Variants in PARM1 observed in about 807,000 individuals in gnomAD.
The protein encoded by PARM1 is WSC4, cell wall integrity and stress response component 4 homolog.
In PARM1, 14 loss-of-function variants were observed where a neutral mutation model predicts 24.6. That is an observed-to-expected ratio of 0.57 (90% CI 0.38 to 0.89). The LOEUF (loss-of-function observed/expected upper bound fraction) is 0.89, where lower values mean the gene tolerates loss of function less well. Among genes scored for constraint, PARM1 ranks in the 40% least tolerant of loss-of-function variants. PARM1 has a pLI of 0.00. For synonymous variants in PARM1, 179 were observed against 156.6 expected, an observed-to-expected ratio of 1.14 and a Z score of -1.07; for missense variants, 362 against 380.4, an observed-to-expected ratio of 0.95 and a Z score of 0.40.
At chr4:75,007,358 T>C (rs1422834962) in intron 1 of PARM1, among the ~76,000 whole-genome samples, 3 of 152,308 alleles carry the variant, frequency 2.0e-5, no homozygotes, top group South Asian at 2.1e-4. Context: ...TAGTGGTTGC[T>C]AAAGTAAGTT....
chr4:74,969,212 A>T lies in PARM1; in HGVS notation c.43+35842A>T, dbSNP rs574029985. 2.0e-5 allele frequency among the ~76,000 whole-genome samples: 3 copies of T among 152,222 alleles called. No homozygotes were observed. In the South Asian group the frequency reaches 6.2e-4, roughly 32 times the overall value. On this transcript the variant is annotated intron_variant, in intron 1 of 3. Transcript: ENST00000307428. ...CTCACTTACAGAAGTACCCAGAGAG[A>T]GCCAAGCTCATGGGTCCCTTGTCGT...
chr4:74,939,268 G>A (rs2109979628), intron 1 of PARM1, among the ~76,000 whole-genome samples: 1 of 152,222 alleles, frequency 6.6e-6, no homozygotes, highest in South Asian at 2.1e-4. Context: ...AAAACATGGA[G>A]ATTTAAGAGC....
intron 2 of PARM1, among the ~76,000 whole-genome samples, chr4:75,015,628 G>A (rs1560793000): frequency 6.6e-6 from 1 of 152,216 alleles, no homozygotes; most frequent in Non-Finnish European, 1.5e-5. Context: ...CTTAATATCA[G>A]TACTTAGTTT....
chr4:74,969,252 G>A (rs1405139766), intron 1 of PARM1, among the ~76,000 whole-genome samples: 1 of 152,194 alleles, frequency 6.6e-6, no homozygotes, highest in Admixed American at 6.5e-5. Context: ...TTGAGGGGGC[G>A]GCTGTCTAAG....
At chr4:75,016,109 T>C (rs1321327238) in intron 2 of PARM1, among the ~76,000 whole-genome samples, 1 of 152,188 alleles carries the variant, frequency 6.6e-6, no homozygotes, top group Non-Finnish European at 1.5e-5. Flanking sequence ...TTATGGGAGT[T>C]AAATTTGACT....
At chr4:74,981,129 A>T (rs1422915952) in intron 1 of PARM1, among the ~76,000 whole-genome samples, 1 of 152,210 alleles carries the variant, frequency 6.6e-6, no homozygotes, top group African/African-American at 2.4e-5. Flanking sequence ...AATTAAACTA[A>T]AGAGCTTCTG....
chr4:75,010,267 T>A (rs1722846534), intron 1 of PARM1, among the ~76,000 whole-genome samples: 2 of 152,224 alleles, frequency 1.3e-5, no homozygotes, highest in African/African-American at 4.8e-5. Context: ...AGGACAAATA[T>A]TGTATGATTC....
In PARM1 at chr4:74,985,875, T is replaced by C. The variant is rs367593049; in HGVS notation, c.44-26550T>C. Among the ~76,000 whole-genome samples, 508 of 152,280 alleles carry C rather than the reference T, an allele frequency of 3.3e-3. 6 individuals carry two copies. The highest frequency in any genetic ancestry group is 0.011 in the African/African-American group (473 of 41,556). ...CCTCCACCTCCCAGGTTCAAGTGAT[T>C]CTCCAGCCTCAGCCTCCTGAGTAGC... On this transcript the variant is annotated intron_variant, in intron 1 of 3. Transcript: ENST00000307428.
At chr4:75,032,034 G>C (rs1723285525) in intron 2 of PARM1, among the ~76,000 whole-genome samples, 1 of 152,188 alleles carries the variant, frequency 6.6e-6, no homozygotes, top group Admixed American at 6.5e-5. Flanking sequence ...GACTTTCTCT[G>C]CTTGACCCAG....
At chr4:74,999,567 T>C (rs1192866390) in intron 1 of PARM1, among the ~76,000 whole-genome samples, 1 of 152,216 alleles carries the variant, frequency 6.6e-6, no homozygotes, top group Non-Finnish European at 1.5e-5. Context: ...CCAGTATGCC[T>C]TCCTCCATAT....
Position 75,047,831 on chromosome 4 carries a change from T to C in PARM1, c.*1584T>C, listed in dbSNP as rs1361995457. ...AGTGTTTAGTTTATTGGCTGATGGG[T>C]TGTTCTTGGTATGCATGGTGACCTT... On this transcript the variant is annotated 3_prime_UTR_variant, in exon 4 of 4. Coordinates refer to ENST00000307428, the MANE Select transcript of PARM1 (RefSeq NM_015393.4). 6.6e-6 allele frequency: 1 copy of C among 152,200 alleles called. No homozygotes were observed. Among genetic ancestry groups the C allele is most frequent in the Non-Finnish European group, 1.5e-5 (1 of 68,048 alleles). 9.4% of individuals were successfully genotyped at this position (152,200 alleles called of 1,614,324 possible).
intron 1 of PARM1, chr4:74,969,471 G>A (rs1262495754): frequency 6.6e-6 from 1 of 152,214 alleles, no homozygotes; most frequent in Non-Finnish European, 1.5e-5. Context: ...TAGGACATGT[G>A]TCTTGCCTTC....
At chr4:75,006,077 C>A (rs1016752792) in intron 1 of PARM1, among the ~76,000 whole-genome samples, 36 of 152,164 alleles carry the variant, frequency 2.4e-4, no homozygotes, top group African/African-American at 8.4e-4. Context: ...AATACTAATA[C>A]TAATTATTTT....
chr4:74,934,005 A>G lies in PARM1; in HGVS notation c.43+635A>G, dbSNP rs1721123986. 3.9e-5 allele frequency among the ~76,000 whole-genome samples: 6 copies of G among 152,080 alleles called. No individual in the cohort carries two copies. In the South Asian group the frequency reaches 1.2e-3, roughly 31 times the overall value. ...CTGCCCCAGAACTCCCCAAAAACGT[A>G]TCCCATAGAAGAAACTATTAACTTG... is the stretch of plus-strand genomic sequence containing the variant. On this transcript the variant is annotated intron_variant, in intron 1 of 3. Coordinates refer to ENST00000307428, the MANE Select transcript of PARM1 (RefSeq NM_015393.4).
chr4:75,022,619 A>G (rs774613568), intron 2 of PARM1, among the ~76,000 whole-genome samples: 4 of 152,200 alleles, frequency 2.6e-5, no homozygotes, highest in African/African-American at 4.8e-5. Flanking sequence ...CACCAGTTGC[A>G]TATGATGAAA....
intron 1 of PARM1, among the ~76,000 whole-genome samples, chr4:74,950,423 C>T (rs1721501028): frequency 6.6e-6 from 1 of 152,154 alleles, no homozygotes; most frequent in South Asian, 2.1e-4. Context: ...GGCCCCCTTT[C>T]CTCTGAGTCA....
chr4:75,013,296 A>C (rs1722916932), intron 2 of PARM1, 146 bp downstream of exon 2: 2 of 878,074 alleles, frequency 2.3e-6, no homozygotes, highest in Non-Finnish European at 3.4e-6. Flanking sequence ...CCACGAGTGC[A>C]AACTTTATTT....
intron 3 of PARM1, among the ~76,000 whole-genome samples, chr4:75,038,349 G>A (rs1021217351): frequency 1.3e-5 from 2 of 152,236 alleles, no homozygotes; most frequent in African/African-American, 4.8e-5. Flanking sequence ...CTGGTATGAG[G>A]TGAGGATGAT....
chr4:74,953,216 C>G (rs1469891542), intron 1 of PARM1, among the ~76,000 whole-genome samples: 1 of 152,152 alleles, frequency 6.6e-6, no homozygotes, highest in African/African-American at 2.4e-5. Context: ...AAACTTCTTC[C>G]TCTGGAAAAA....
Sources: allele counts gnomAD v4.1 joint callset (sites outside exome capture counted in the v4.1 genomes callset), GRCh38; gene constraint gnomAD v4.1.1; transcripts MANE v1.5; gene names NCBI Gene and HGNC (gene_info 2026-07-23, HGNC 2026-07-21).